The following PHACTR3 variants were observed in gnomAD, a reference collection of about 807,000 sequenced individuals.
PHACTR3 encodes the protein protein phosphatase 1, regulatory subunit 123.
In PHACTR3, 16 loss-of-function variants were observed where a neutral mutation model predicts 66.8. The ratio of observed to expected loss-of-function variants is 0.24; its 90% CI spans 0.16 to 0.36. PHACTR3 has a LOEUF of 0.36. PHACTR3 is among the 10% of genes least tolerant of loss of function. The pLI, the probability that PHACTR3 is intolerant of heterozygous loss-of-function variation, is 1.00. For missense variants in PHACTR3, 647 were observed against 719.9 expected, an observed-to-expected ratio of 0.90 and a Z score of 1.16; for synonymous variants, 323 against 292.1, an observed-to-expected ratio of 1.11 and a Z score of -1.08.
intron 1 of PHACTR3, among the ~76,000 whole-genome samples, chr20:59,608,864 AGTT>A (rs2033757991): frequency 6.6e-6 from 1 of 152,098 alleles, no homozygotes; most frequent in African/African-American, 2.4e-5. Context: ...GGTTCTTGTC[AGTT>A]TCATTCTCTG....
intron 1 of PHACTR3, among the ~76,000 whole-genome samples, chr20:59,666,239 G>A (rs1311668831): frequency 6.6e-6 from 1 of 152,194 alleles, no homozygotes; most frequent in Admixed American, 6.5e-5. Flanking sequence ...TAGGCATTGT[G>A]TCCTGCCATC....
Position 59,720,151 on chromosome 20 carries a change from C to T in PHACTR3, c.119-22956C>T, listed in dbSNP as rs117659917. Among the ~76,000 whole-genome samples the T allele has an allele frequency of 1.1e-4, 16 of 152,242 alleles. No homozygotes were observed. The East Asian group carries it at 3.1e-3, about 29-fold the overall frequency. ...AGTTACCTTGCGGTGTGGCACAGTG[C>T]TATCTTGAAGACCATAACATCTCTC... On this transcript the variant is annotated intron_variant, in intron 1 of 12. Coordinates refer to ENST00000371015, the MANE Select transcript of PHACTR3 (RefSeq NM_080672.5).
intron 1 of PHACTR3, among the ~76,000 whole-genome samples, chr20:59,716,948 G>A (rs1056314337): frequency 6.6e-6 from 1 of 152,150 alleles, no homozygotes; most frequent in Non-Finnish European, 1.5e-5. Flanking sequence ...TCCCTGATGG[G>A]TCCCCATGCC....
intron 1 of PHACTR3, among the ~76,000 whole-genome samples, chr20:59,582,425 T>C (rs528558251): frequency 6.6e-6 from 1 of 152,284 alleles, no homozygotes; most frequent in Admixed American, 6.5e-5. Flanking sequence ...ACTGAGCACG[T>C]CTGTACAAGT....
In PHACTR3 at chr20:59,695,369, C is replaced by G. The variant is rs527488763; in HGVS notation, c.119-47738C>G. Reference sequence around the variant, plus strand: ...TGGGTAGCACCTCCTGCTTCATTCTCTTCCTCCTTCTCCGGCTATGTCTTG... The same window carrying G: ...TGGGTAGCACCTCCTGCTTCATTCTGTTCCTCCTTCTCCGGCTATGTCTTG... On this transcript the variant is annotated intron_variant, in intron 1 of 12. Coordinates refer to ENST00000371015, the MANE Select transcript of PHACTR3 (RefSeq NM_080672.5). 1.9e-4 allele frequency among the ~76,000 whole-genome samples: 29 copies of G among 152,316 alleles called. No homozygotes were observed. In the South Asian group the frequency reaches 6.0e-3, roughly 32 times the overall value.
chr20:59,700,466 A>G (rs1378826876), intron 1 of PHACTR3, among the ~76,000 whole-genome samples: 1 of 152,246 alleles, frequency 6.6e-6, no homozygotes, highest in East Asian at 1.9e-4. Flanking sequence ...ATTGGCCTGC[A>G]AAGATATTAT....
At chr20:59,659,649 G>C (rs2035745915) in intron 1 of PHACTR3, among the ~76,000 whole-genome samples, 1 of 152,140 alleles carries the variant, frequency 6.6e-6, no homozygotes, top group Admixed American at 6.5e-5. Flanking sequence ...GGGATTACAG[G>C]TGTGAGCCAC....
chr20:59,701,415 GGCT>G (rs1205462922), intron 1 of PHACTR3, among the ~76,000 whole-genome samples: 6 of 152,168 alleles, frequency 3.9e-5, no homozygotes, highest in African/African-American at 1.4e-4. Flanking sequence ...CACTTTGCCT[GGCT>G]GCTGCCTCTT....
At chr20:59,836,125 C>A (rs1350648075) in intron 8 of PHACTR3, 1 of 167,322 alleles carries the variant, frequency 6.0e-6, no homozygotes, top group African/African-American at 2.4e-5. Flanking sequence ...GTGGTGCTAC[C>A]CACCCCTCCC....
In PHACTR3 at chr20:59,742,472, ACAGACG is replaced by A. The variant is rs1409463618; in HGVS notation, c.119-634_119-629del. Among the ~76,000 whole-genome samples the A allele has an allele frequency of 5.9e-4, 90 of 152,248 alleles. 1 individual carries two copies. The highest frequency in any genetic ancestry group is 1.7e-3 in the African/African-American group (71 of 41,548). On this transcript the variant is annotated intron_variant, in intron 1 of 12. Transcript: ENST00000371015. ...CCTCTGCCTGCTCACAGACGTGCTC[ACAGACG>A]TGCTCACTCTGCAGCCGTTTGCTCA...
chr20:59,756,464 G>A (rs913716826), intron 4 of PHACTR3, among the ~76,000 whole-genome samples: 4 of 152,126 alleles, frequency 2.6e-5, no homozygotes, highest in East Asian at 1.9e-4. Context: ...CAGGCCGCCC[G>A]TCCACAACGC....
intron 4 of PHACTR3, among the ~76,000 whole-genome samples, chr20:59,765,570 G>A (rs2040152878): frequency 6.6e-6 from 1 of 152,226 alleles, no homozygotes; most frequent in African/African-American, 2.4e-5. Flanking sequence ...ACATAAGAAA[G>A]GGCTGGGAAT....
intron 7 of PHACTR3, among the ~76,000 whole-genome samples, chr20:59,801,977 T>C (rs1230134514): frequency 1.3e-5 from 2 of 152,170 alleles, no homozygotes; most frequent in Non-Finnish European, 2.9e-5. Context: ...TATGGACAGG[T>C]GCCTTATTGA....
rs1315509947 is a variant in PHACTR3 at position 59,604,701 on chromosome 20, G to A, written c.-314G>A. The stretch of plus-strand genomic sequence containing the variant: ...GACAAGAAAAAGTTTTTATTTCCTG[G>A]TTCAACTTTTTTTTTTTTCCCTGGA... On this transcript the variant is annotated 5_prime_UTR_variant, in exon 1 of 13. Transcript: ENST00000371015. 2 of 1,039,538 alleles carry A rather than the reference G, an allele frequency of 1.9e-6. No homozygotes were observed. Among genetic ancestry groups the A allele is most frequent in the Non-Finnish European group, 2.3e-6 (2 of 868,614 alleles). 64.4% of individuals were successfully genotyped at this position (1,039,538 alleles called of 1,614,324 possible). A position where few individuals can be genotyped will look rare whatever the true frequency, so the allele number is the denominator to read the frequency against.
intron 1 of PHACTR3, among the ~76,000 whole-genome samples, chr20:59,702,361 C>T (rs2037536361): frequency 6.6e-6 from 1 of 152,160 alleles, no homozygotes; most frequent in Non-Finnish European, 1.5e-5. Flanking sequence ...CATGTTGGAT[C>T]CTGCACCTTC....
intron 1 of PHACTR3, among the ~76,000 whole-genome samples, chr20:59,706,968 G>A (rs2037727405): frequency 6.6e-6 from 1 of 152,112 alleles, no homozygotes; most frequent in Admixed American, 6.5e-5. Context: ...ATGTCTTATT[G>A]TTTTCTAACT....
At chr20:59,729,460 C>T (rs1174915128) in intron 1 of PHACTR3, among the ~76,000 whole-genome samples, 1 of 152,134 alleles carries the variant, frequency 6.6e-6, no homozygotes, top group African/African-American at 2.4e-5. Context: ...CCAGATCACT[C>T]ACTGGAGACC....
intron 1 of PHACTR3, among the ~76,000 whole-genome samples, chr20:59,643,094 G>T (rs887047501): frequency 6.6e-6 from 1 of 152,108 alleles, no homozygotes; most frequent in Non-Finnish European, 1.5e-5. Flanking sequence ...TGTATTTTTA[G>T]TAGAGACGGG....
Position 59,605,039 on chromosome 20 carries a change from G to A in PHACTR3, c.25G>A (p.Gly9Ser). The A allele has an allele frequency of 7.3e-7, 1 of 1,369,910 alleles. No individual in the cohort carries two copies. Among genetic ancestry groups the A allele is most frequent in the Admixed American group, 3.2e-5 (1 of 31,304 alleles). 84.9% of individuals were successfully genotyped at this position (1,369,910 alleles called of 1,614,324 possible). Residue 9 changes from glycine (G) to serine (S), a missense_variant, in exon 1 of 13, where the codon GGC becomes AGC. Gly to Ser is a moderately conservative substitution (Grantham distance 56). Coordinates refer to ENST00000371015, the MANE Select transcript of PHACTR3 (RefSeq NM_080672.5). MAASEDGSGCLVSRGRSQS... is the reference protein window; with the variant it reads MAASEDGSSCLVSRGRSQS... ...CATGGCCGCGTCGGAGGACGGGAGC[G>A]GCTGCCTCGTGTCGCGGGGCCGCTC...
Sources: allele counts gnomAD v4.1 joint callset (sites outside exome capture counted in the v4.1 genomes callset), GRCh38; gene constraint gnomAD v4.1.1; transcripts MANE v1.5; gene names NCBI Gene and HGNC (gene_info 2026-07-23, HGNC 2026-07-21).